Variants in KCNJ6 observed in about 807,000 individuals in gnomAD.
KCNJ6 encodes G protein-activated inward rectifier potassium channel 2.
KCNJ6 carries 9 observed loss-of-function variants against 34.2 expected under a neutral mutation model. The ratio of observed to expected loss-of-function variants is 0.26; its 90% CI spans 0.16 to 0.46. KCNJ6 has a LOEUF of 0.46. Ranked by LOEUF, KCNJ6 falls within the 20% of genes least tolerant of loss-of-function variation. KCNJ6 has a pLI of 1.00. For missense variants in KCNJ6, 236 were observed against 531.3 expected (o/e 0.44, Z 5.46); for synonymous variants, 196 against 207.1 (o/e 0.95, Z 0.46).
intron 2 of KCNJ6, among the ~76,000 whole-genome samples, chr21:37,824,178 G>A (rs1413723630): frequency 6.6e-6 from 1 of 152,188 alleles, no homozygotes; most frequent in Admixed American, 6.5e-5. Context: ...TCTGGTTAAT[G>A]TAGAGAGTCA....
intron 2 of KCNJ6, among the ~76,000 whole-genome samples, chr21:37,743,268 A>C (rs2054950019): frequency 6.6e-6 from 1 of 152,210 alleles, no homozygotes; most frequent in Non-Finnish European, 1.5e-5. Flanking sequence ...CATTGCCTGA[A>C]TAAATGAGGT....
At position 37,623,695 on chromosome 21, in the gene KCNJ6, C is replaced by A; in HGVS notation, c.*1464G>T. ...AGGCTGGAATTTTTTTATTTGTTTT[C>A]TTTTGATTGACAGACACTGGATTTG... On this transcript the variant is annotated 3_prime_UTR_variant, in exon 4 of 4. Transcript: ENST00000609713. 1 of 150,814 alleles carries A rather than the reference C, an allele frequency of 6.6e-6. No homozygotes were observed. The allele number at this position is 150,814 out of a possible 1,614,324, so 9.3% of individuals were successfully genotyped here.
Position 37,623,978 on chromosome 21 carries a change from A to G in KCNJ6, c.*1181T>C, listed in dbSNP as rs1334968469. 6.6e-6 allele frequency: 1 copy of G among 152,206 alleles called. No homozygotes were observed. Among genetic ancestry groups the G allele is most frequent in the Non-Finnish European group, 1.5e-5 (1 of 68,044 alleles). 9.4% of individuals were successfully genotyped at this position (152,206 alleles called of 1,614,324 possible). A position where few individuals can be genotyped will look rare whatever the true frequency, so the allele number is the denominator to read the frequency against. On this transcript the variant is annotated 3_prime_UTR_variant, in exon 4 of 4. Transcript: ENST00000609713. ...AATTTCACGGCTTTAGACCCAAACC[A>G]TCTTCTGCTAACTTACCATGTCTCA...
chr21:37,795,565 T>C (rs981606108), intron 2 of KCNJ6, among the ~76,000 whole-genome samples: 1 of 151,816 alleles, frequency 6.6e-6, no homozygotes, highest in Admixed American at 6.6e-5. Context: ...GCCAACATGG[T>C]GAAAACCCGT....
intron 3 of KCNJ6, among the ~76,000 whole-genome samples, chr21:37,711,863 T>TC (rs1435050560): frequency 2.6e-5 from 4 of 151,802 alleles, no homozygotes; most frequent in Non-Finnish European, 5.9e-5. Context: ...AGTTGCCTTT[T>TC]CCCAGGGATG....
intron 1 of KCNJ6, among the ~76,000 whole-genome samples, chr21:37,894,855 A>G (rs1373251210): frequency 6.6e-6 from 1 of 152,202 alleles, no homozygotes; most frequent in Non-Finnish European, 1.5e-5. Flanking sequence ...TGTGAGAGTG[A>G]TAATTACAGT....
intron 2 of KCNJ6, among the ~76,000 whole-genome samples, chr21:37,736,441 C>A (rs2054913499): frequency 6.6e-6 from 1 of 152,182 alleles, no homozygotes; most frequent in Non-Finnish European, 1.5e-5. Flanking sequence ...GTTGGCTGCA[C>A]AACATCATCA....
At chr21:37,713,436 GTTACATACAAACATGGGCAGAACCTGC>G (rs1277291823) in intron 3 of KCNJ6, among the ~76,000 whole-genome samples, 8 of 152,192 alleles carry the variant, frequency 5.3e-5, no homozygotes, top group African/African-American at 1.7e-4. Flanking sequence ...TTTGGGGGAT[GTTACATACAAACATGGGCAGAACCTGC>G]TTTGCTGTTG....
At chr21:37,667,025 G>C (rs914427144) in intron 3 of KCNJ6, among the ~76,000 whole-genome samples, 2 of 151,462 alleles carry the variant, frequency 1.3e-5, no homozygotes, top group African/African-American at 4.9e-5. Flanking sequence ...GAAGGCCGCA[G>C]GGACCACTGG....
At chr21:37,833,790 T>G (rs904681727) in intron 2 of KCNJ6, among the ~76,000 whole-genome samples, 3 of 152,170 alleles carry the variant, frequency 2.0e-5, no homozygotes, top group African/African-American at 7.2e-5. Flanking sequence ...AGGGAGTTCT[T>G]TCCCAAAAGG....
At chr21:37,770,581 G>T (rs2055113306) in intron 2 of KCNJ6, among the ~76,000 whole-genome samples, 1 of 152,178 alleles carries the variant, frequency 6.6e-6, no homozygotes, top group African/African-American at 2.4e-5. Context: ...ATGTCACAAT[G>T]GAAAATTATA....
intron 2 of KCNJ6, among the ~76,000 whole-genome samples, chr21:37,805,888 C>A (rs2055291184): frequency 6.6e-6 from 1 of 152,204 alleles, no homozygotes; most frequent in African/African-American, 2.4e-5. Flanking sequence ...AGGAAGGACA[C>A]TCCCCTAGAG....
chr21:37,655,213 GTGTGTGTGTGTGAGAGAGA>G (rs1569438836), intron 3 of KCNJ6, among the ~76,000 whole-genome samples: 5 of 54,488 alleles, frequency 9.2e-5, no homozygotes, highest in African/African-American at 2.6e-4. Context: ...GTGTGTGTGT[GTGTGTGTGTGTGAGAGAGA>G]GAGAGAGAGA....
chr21:37,857,583 A>T (rs1257441344), intron 1 of KCNJ6, among the ~76,000 whole-genome samples: 1 of 152,242 alleles, frequency 6.6e-6, no homozygotes, highest in Non-Finnish European at 1.5e-5. Context: ...GTGTGATGTA[A>T]GGACTAAACC....
At chr21:37,870,558 G>A (rs1286337522) in intron 1 of KCNJ6, among the ~76,000 whole-genome samples, 1 of 149,626 alleles carries the variant, frequency 6.7e-6, no homozygotes, top group Non-Finnish European at 1.5e-5. Context: ...ATTTCAGACA[G>A]TACATTAAAA....
intron 1 of KCNJ6, among the ~76,000 whole-genome samples, chr21:37,896,319 G>T (rs2055787902): frequency 6.6e-6 from 1 of 152,176 alleles, no homozygotes; most frequent in African/African-American, 2.4e-5. Context: ...CATGAGATCT[G>T]GGCAGGGACA....
chr21:37,814,010 A>C (rs556512458), intron 2 of KCNJ6, among the ~76,000 whole-genome samples: 1 of 152,346 alleles, frequency 6.6e-6, no homozygotes, highest in African/African-American at 2.4e-5. Flanking sequence ...CCCATCTGAC[A>C]AGGGATTAAA....
intron 2 of KCNJ6, among the ~76,000 whole-genome samples, chr21:37,797,509 G>A (rs1422859428): frequency 2.6e-5 from 4 of 152,150 alleles, no homozygotes; most frequent in Admixed American, 6.5e-5. Context: ...ATCTTTATAC[G>A]GCTGTATTTC....
rs2054275473 is a variant in KCNJ6, at chr21:37,617,214, T to TTCCTTCCTTCCG, written c.*7944_*7945insCGGAAGGAAGGA. On this transcript the variant is annotated 3_prime_UTR_variant, in exon 4 of 4. Coordinates refer to ENST00000609713, the MANE Select transcript of KCNJ6 (RefSeq NM_002240.5). ...CTTCCTTCCTTCCTTCCTTCCTTCCTTCCTTCTTTTCTTTCTTTTTTTGAG... is the reference window on the plus strand; with the variant it reads ...CTTCCTTCCTTCCTTCCTTCCTTCCTTCCTTCCTTCCGTCCTTCTTTTCTTTCTTTTTTTGAG... The TTCCTTCCTTCCG allele has an allele frequency of 6.8e-6, 1 of 146,740 alleles. No homozygotes were observed. Among genetic ancestry groups the TTCCTTCCTTCCG allele is most frequent in the Non-Finnish European group, 1.5e-5 (1 of 66,984 alleles). 9.1% of individuals were successfully genotyped at this position (146,740 alleles called of 1,614,324 possible). A position where few individuals can be genotyped will look rare whatever the true frequency, so the allele number is the denominator to read the frequency against.
Sources: allele counts gnomAD v4.1 joint callset (sites outside exome capture counted in the v4.1 genomes callset), GRCh38; gene constraint gnomAD v4.1.1; transcripts MANE v1.5; gene names NCBI Gene and HGNC (gene_info 2026-07-23, HGNC 2026-07-21).